ABHD12B: variants seen among roughly 807,000 people sequenced by gnomAD.
ABHD12B encodes protein ABHD12B.
Under a neutral mutation model 50.4 loss-of-function variants are expected in ABHD12B, and 42 were observed. The ratio of observed to expected loss-of-function variants is 0.83; its 90% CI spans 0.65 to 1.08. The LOEUF is 1.08. ABHD12B is among the 50% of genes least tolerant of loss of function. ABHD12B has a pLI of 0.00. For missense variants in ABHD12B, 479 were observed against 447.7 expected (o/e 1.07, Z -0.63); for synonymous variants, 167 against 160.3 (o/e 1.04, Z -0.32).
chr14:50,885,743 T>C, intron 6 of ABHD12B, 23 bp from the exon 7 acceptor site: 1 of 1,614,106 alleles, frequency 6.2e-7, no homozygotes, highest in Non-Finnish European at 8.5e-7. Flanking sequence ...AGTGATACTG[T>C]GTTTGCCTTT....
At chr14:50,881,705 G>A (rs1027333935) in intron 5 of ABHD12B, 79 bp downstream of exon 5, 9 of 1,579,704 alleles carry the variant, frequency 5.7e-6, no homozygotes, top group South Asian at 3.4e-5. Flanking sequence ...GGCCCTCCGC[G>A]TGGTTGTTTT....
intron 2 of ABHD12B, among the ~76,000 whole-genome samples, chr14:50,878,475 G>T (rs1359439948): frequency 1.3e-5 from 2 of 152,166 alleles, no homozygotes; most frequent in African/African-American, 4.8e-5. Flanking sequence ...TAAAAAGCTG[G>T]AGACAAGGAT....
At chr14:50,891,091 G>A (rs904398498) in intron 9 of ABHD12B, 2 of 151,940 alleles carry the variant, frequency 1.3e-5, no homozygotes, top group African/African-American at 4.8e-5. Flanking sequence ...CATGTCTTTT[G>A]CCCATTTTTC....
intron 1 of ABHD12B, among the ~76,000 whole-genome samples, chr14:50,874,379 T>C (rs997575558): frequency 6.6e-6 from 1 of 152,058 alleles, no homozygotes; most frequent in Non-Finnish European, 1.5e-5. Flanking sequence ...GGCGGGCAGA[T>C]CATGAGGTCA....
At chr14:50,897,459 G>A (rs886804947) in intron 9 of ABHD12B, among the ~76,000 whole-genome samples, 3 of 152,066 alleles carry the variant, frequency 2.0e-5, no homozygotes, top group Admixed American at 6.6e-5. Context: ...ATTGCTTCTT[G>A]ACTTAAAGTC....
intron 1 of ABHD12B, among the ~76,000 whole-genome samples, chr14:50,874,056 G>A (rs766639912): frequency 2.0e-5 from 3 of 152,148 alleles, no homozygotes; most frequent in Non-Finnish European, 4.4e-5. Flanking sequence ...TCTTGGAGCC[G>A]GGTTCACTTA....
chr14:50,881,643 C>T lies in ABHD12B; in HGVS notation c.486+17C>T. 6.2e-7 allele frequency: 1 copy of T among 1,611,144 alleles called. No individual in the cohort carries two copies. The highest frequency in any genetic ancestry group is 1.1e-5 in the South Asian group (1 of 90,954). ...CTGGTAAAGGTATGTCTGAAGAGGC[C>T]TCAAAGCACCCATTTCATAAGTCTG... On this transcript the variant is annotated intron_variant, in intron 5 of 12. Coordinates refer to ENST00000337334, the MANE Select transcript of ABHD12B (RefSeq NM_001206673.2).
intron 9 of ABHD12B, among the ~76,000 whole-genome samples, chr14:50,899,141 G>A (rs2050233726): frequency 6.6e-6 from 1 of 152,170 alleles, no homozygotes; most frequent in Admixed American, 6.5e-5. Context: ...GCGGTGAACC[G>A]AGATCGTGCC....
chr14:50,904,349 AG>A lies in ABHD12B; in HGVS notation c.1073del (p.Ser358ThrfsTer15). The A allele has an allele frequency of 6.2e-7, 1 of 1,613,990 alleles. No individual in the cohort carries two copies. The highest frequency in any genetic ancestry group is 8.5e-7 in the Non-Finnish European group (1 of 1,179,888). On this transcript the variant is annotated frameshift_variant, in exon 13 of 13. Coordinates refer to ENST00000337334, the MANE Select transcript of ABHD12B (RefSeq NM_001206673.2). LOFTEE classifies it high-confidence loss of function. Reference sequence around the variant, plus strand: ...GTCCTTTTTCTACAGAGATTTCCTGAGCAAGCAGTGGTCATGAGTCTGGGAG... The same window carrying A: ...GTCCTTTTTCTACAGAGATTTCCTGACAAGCAGTGGTCATGAGTCTGGGAG... ...TLLITVRDFL[S>X]KQWS
chr14:50,876,364 A>T (rs1025113084), intron 1 of ABHD12B, among the ~76,000 whole-genome samples: 1 of 152,164 alleles, frequency 6.6e-6, no homozygotes, highest in East Asian at 1.9e-4. Context: ...AACACATATA[A>T]GTGCTCTGAT....
At position 50,882,373 on chromosome 14, in the gene ABHD12B, C is replaced by CT. The variant is rs386381352; in HGVS notation, c.486+768dup. The stretch of plus-strand genomic sequence containing the variant: ...ATAGGCTAAAGACACAGAATGTCTG[C>CT]TTTTTTTTTTTTTTTTTTTTTGAGA... On this transcript the variant is annotated intron_variant, in intron 5 of 12. Transcript: ENST00000337334. Among the ~76,000 whole-genome samples, 788 of 81,750 alleles carry CT rather than the reference C, an allele frequency of 9.6e-3. 118 individuals are homozygous for CT. Among genetic ancestry groups the CT allele is most frequent in the African/African-American group, 0.035 (680 of 19,244 alleles). 53.6% of individuals were successfully genotyped at this position (81,750 alleles called of 152,430 possible). A position where few individuals can be genotyped will look rare whatever the true frequency, so the allele number is the denominator to read the frequency against.
rs747184680 is a variant in ABHD12B at position 50,885,652 on chromosome 14, C to A, written c.525C>A (p.Asp175Glu). The change falls in exon 6 of 13, where the codon GAC (aspartate) becomes GAA (glutamate). Residue 175 changes from aspartate (D) to glutamate (E), a missense_variant. Physicochemically the swap from Asp to Glu is conservative, Grantham distance 45. Coordinates refer to ENST00000337334, the MANE Select transcript of ABHD12B (RefSeq NM_001206673.2). ...GTGGCTTTCATGTCTTGTCTGTTGA[C>A]TACAGAGGTATGTGTTAAGAACGGT... is the stretch of plus-strand genomic sequence containing the variant. ...SDGGFHVLSV[D>E]YRGFGDSTGK... 2.0e-5 allele frequency: 33 copies of A among 1,614,082 alleles called. No homozygotes were observed. Among genetic ancestry groups the A allele is most frequent in the Non-Finnish European group, 2.8e-5 (33 of 1,180,046 alleles).
intron 9 of ABHD12B, among the ~76,000 whole-genome samples, chr14:50,897,314 TC>T (rs2050211477): frequency 6.6e-6 from 1 of 152,204 alleles, no homozygotes; most frequent in Admixed American, 6.5e-5. Context: ...CCTCAGGTGA[TC>T]CACCTGCCTC....
chr14:50,886,509 T>A (rs753700919), intron 7 of ABHD12B, 138 bp from the exon 8 acceptor site: 2 of 713,032 alleles, frequency 2.8e-6, no homozygotes, highest in Non-Finnish European at 4.7e-6. Context: ...TGGAACCCTT[T>A]TAAATAGCGT....
At chr14:50,880,343 G>A (rs576982898) in intron 3 of ABHD12B, 109 bp from the exon 4 acceptor site, 45 of 1,163,320 alleles carry the variant, frequency 3.9e-5, no homozygotes, top group South Asian at 1.6e-4. Flanking sequence ...TATATTAGTC[G>A]GATAAAAAAT....
At chr14:50,895,988 G>T (rs963375496) in intron 9 of ABHD12B, among the ~76,000 whole-genome samples, 20 of 152,084 alleles carry the variant, frequency 1.3e-4, no homozygotes, top group African/African-American at 4.8e-4. Flanking sequence ...CTGGACTACA[G>T]CTATATCTCA....
chr14:50,892,377 G>A lies in ABHD12B; in HGVS notation c.780+3474G>A, dbSNP rs1469344753. The A allele has an allele frequency of 1.7e-5, 17 of 982,656 alleles. No homozygotes were observed. The East Asian group carries it at 3.4e-4, about 20-fold the overall frequency. The allele number at this position is 982,656 out of a possible 1,614,324, so 60.9% of individuals were successfully genotyped here. A position where few individuals can be genotyped will look rare whatever the true frequency, so the allele number is the denominator to read the frequency against. On this transcript the variant is annotated intron_variant, in intron 9 of 12. Coordinates refer to ENST00000337334, the MANE Select transcript of ABHD12B (RefSeq NM_001206673.2). ...AAAGGGGGAAGAGCAGAACAAGGAC[G>A]TGACCTCAGGCAAAGTCTAGCTTTG...
intron 5 of ABHD12B, 93 bp downstream of exon 5, chr14:50,881,719 A>G: frequency 6.8e-7 from 1 of 1,478,090 alleles, no homozygotes; most frequent in Non-Finnish European, 9.4e-7. Flanking sequence ...TTGTTTTTTG[A>G]GAGGTCTCCA....
At chr14:50,878,912 AGCAGT>A in intron 3 of ABHD12B, 65 bp downstream of exon 3, 1 of 1,385,896 alleles carries the variant, frequency 7.2e-7, no homozygotes, top group East Asian at 2.3e-5. Context: ...GACTCAGAGG[AGCAGT>A]GCTGTGTTAC....
Sources: gnomAD v4.1 joint callset for allele counts (sites outside exome capture counted in the v4.1 genomes callset) on GRCh38, gnomAD v4.1.1 for gene constraint, MANE v1.5 for transcripts, NCBI Gene and HGNC (gene_info 2026-07-23, HGNC 2026-07-21) for gene names.